Variants in MAD1L1 observed in about 807,000 individuals in gnomAD.
MAD1L1 encodes the protein mitotic spindle assembly checkpoint protein MAD1.
In MAD1L1, 95 loss-of-function variants were observed where a neutral mutation model predicts 96.9. The ratio of observed to expected loss-of-function variants is 0.98; its 90% CI spans 0.83 to 1.16. The LOEUF is 1.16. MAD1L1 is among the 50% of genes most tolerant of loss of function. The pLI, the probability that MAD1L1 is intolerant of heterozygous loss-of-function variation, is 0.00. For missense variants in MAD1L1, 1,007 were observed against 954.4 expected (o/e 1.06, Z -0.73); for synonymous variants, 473 against 396.6 (o/e 1.19, Z -2.29).
At chr7:1,820,099 T>C (rs2128619887) in intron 18 of MAD1L1, among the ~76,000 whole-genome samples, 1 of 152,126 alleles carries the variant, frequency 6.6e-6, no homozygotes, top group East Asian at 1.9e-4. Context: ...GCCACACCAG[T>C]GGACATCAAA....
chr7:2,077,493 C>T (rs142066341), intron 11 of MAD1L1, among the ~76,000 whole-genome samples: 4 of 152,130 alleles, frequency 2.6e-5, no homozygotes, highest in Non-Finnish European at 4.4e-5. Flanking sequence ...TGGGGGGAGA[C>T]GCCCCAGTCG....
At chr7:2,019,725 C>T (rs1782701069) in intron 12 of MAD1L1, among the ~76,000 whole-genome samples, 1 of 151,990 alleles carries the variant, frequency 6.6e-6, no homozygotes, top group Non-Finnish European at 1.5e-5. Context: ...TCACCACCCC[C>T]AACGCAAGGC....
chr7:2,154,657 G>T (rs979087617), intron 10 of MAD1L1, among the ~76,000 whole-genome samples: 6 of 152,086 alleles, frequency 3.9e-5, no homozygotes, highest in African/African-American at 1.2e-4. Context: ...ATAAATAAAA[G>T]AAAATGGGCT....
At chr7:2,151,593 C>T (rs1353957716) in intron 10 of MAD1L1, among the ~76,000 whole-genome samples, 4 of 152,242 alleles carry the variant, frequency 2.6e-5, no homozygotes, top group African/African-American at 2.4e-5. Flanking sequence ...CATTTGACAC[C>T]GATTTAGAAA....
intron 18 of MAD1L1, among the ~76,000 whole-genome samples, chr7:1,895,031 C>G (rs60587725): frequency 6.6e-6 from 1 of 152,036 alleles, no homozygotes; most frequent in Non-Finnish European, 1.5e-5. Context: ...CAAGGTGGCA[C>G]GTGTCCTAGG....
chr7:1,906,641 T>C (rs1787650606), intron 17 of MAD1L1, among the ~76,000 whole-genome samples: 1 of 152,258 alleles, frequency 6.6e-6, no homozygotes, highest in Non-Finnish European at 1.5e-5. Flanking sequence ...GGCCTCATGC[T>C]GTTTCCCTGC....
intron 11 of MAD1L1, among the ~76,000 whole-genome samples, chr7:2,104,683 C>T (rs1584330983): frequency 2.5e-5 from 2 of 78,492 alleles, no homozygotes; most frequent in African/African-American, 5.8e-5. Context: ...TTGTGACATC[C>T]CTAACGCCTT....
At chr7:1,928,269 A>C (rs112519082) in intron 17 of MAD1L1, among the ~76,000 whole-genome samples, 4,938 of 140,658 alleles carry the variant, frequency 0.035, 182 homozygotes, top group Admixed American at 0.1. Flanking sequence ...GCCAGTCCCT[A>C]GAGGAGCCCA....
intron 11 of MAD1L1, among the ~76,000 whole-genome samples, chr7:2,108,905 G>A (rs1787231499): frequency 1.3e-5 from 2 of 152,224 alleles, no homozygotes; most frequent in African/African-American, 4.8e-5. Flanking sequence ...GCACATCTCT[G>A]AGGCAGCTCC....
chr7:2,195,321 T>C (rs1791930567), intron 10 of MAD1L1, among the ~76,000 whole-genome samples: 1 of 152,246 alleles, frequency 6.6e-6, no homozygotes, highest in Non-Finnish European at 1.5e-5. Context: ...AGCTTTGATT[T>C]AAAGGAACCT....
chr7:1,920,031 G>GCCC (rs1788679052), intron 17 of MAD1L1, among the ~76,000 whole-genome samples: 4 of 81,290 alleles, frequency 4.9e-5, no homozygotes, highest in Admixed American at 4.0e-4. Context: ...TGACACGGAG[G>GCCC]TCCCCAGGAG....
In MAD1L1 at chr7:1,894,919, G is replaced by A. The variant is rs142972762; in HGVS notation, c.1998+3281C>T. On this transcript the variant is annotated intron_variant, in intron 18 of 18. Coordinates refer to ENST00000265854, the MANE Select transcript of MAD1L1 (RefSeq NM_001013836.2). ...AAGAACCAGGCACCCAGCAGTGGGG[G>A]AGAAACACAGGAGGGGCACACTTAG... Among the ~76,000 whole-genome samples the A allele has an allele frequency of 7.6e-3, 1,164 of 152,238 alleles. 44 individuals carry two copies. The highest frequency in any genetic ancestry group is 0.061 in the Admixed American group (940 of 15,300).
At chr7:1,843,724 C>G (rs1783417030) in intron 18 of MAD1L1, among the ~76,000 whole-genome samples, 1 of 152,204 alleles carries the variant, frequency 6.6e-6, no homozygotes, top group African/African-American at 2.4e-5. Flanking sequence ...TTTGTCCCAG[C>G]TCCGTCTTCC....
chr7:2,152,723 C>CCCTA (rs1414342102), intron 10 of MAD1L1, among the ~76,000 whole-genome samples: 3 of 152,214 alleles, frequency 2.0e-5, no homozygotes, highest in Non-Finnish European at 4.4e-5. Flanking sequence ...ACTTCCAAAA[C>CCCTA]CCTACGGCAC....
At chr7:1,863,712 G>A (rs1784641421) in intron 18 of MAD1L1, among the ~76,000 whole-genome samples, 1 of 152,182 alleles carries the variant, frequency 6.6e-6, no homozygotes, top group Non-Finnish European at 1.5e-5. Context: ...CTGGGTGGAG[G>A]GTGGCCGGCC....
chr7:1,859,252 G>A (rs1026638347), intron 18 of MAD1L1, among the ~76,000 whole-genome samples: 2 of 152,212 alleles, frequency 1.3e-5, no homozygotes, highest in African/African-American at 2.4e-5. Context: ...AGCTGGGTGC[G>A]CAGCAGCTGT....
intron 18 of MAD1L1, among the ~76,000 whole-genome samples, chr7:1,868,529 G>A (rs1011865127): frequency 6.7e-6 from 1 of 149,912 alleles, no homozygotes; most frequent in Admixed American, 6.6e-5. Flanking sequence ...GCTCAGCAGG[G>A]GGTGGGGAAG....
chr7:1,913,443 A>AGGGAGCGAGGGGAGT (rs57726885), intron 17 of MAD1L1, among the ~76,000 whole-genome samples: 1 of 151,962 alleles, frequency 6.6e-6, no homozygotes, highest in African/African-American at 2.4e-5. Flanking sequence ...GGCCTGGAGA[A>AGGGAGCGAGGGGAGT]GGGAACCGTC....
intron 4 of MAD1L1, among the ~76,000 whole-genome samples, chr7:2,225,012 A>G (rs1793808341): frequency 6.6e-6 from 1 of 152,246 alleles, no homozygotes; most frequent in African/African-American, 2.4e-5. Context: ...GGAAACCAGG[A>G]GACCCAGCAA....
Sources: gnomAD v4.1 joint callset for allele counts (sites outside exome capture counted in the v4.1 genomes callset) on GRCh38, gnomAD v4.1.1 for gene constraint, MANE v1.5 for transcripts, NCBI Gene and HGNC (gene_info 2026-07-23, HGNC 2026-07-21) for gene names.